The following THADA variants were observed in gnomAD, a reference collection of about 807,000 sequenced individuals.
THADA encodes tRNA (32-2'-O)-methyltransferase regulator THADA.
Under a neutral mutation model 219.8 loss-of-function variants are expected in THADA, and 213 were observed. The observed-to-expected ratio is 0.97, with a 90% CI of 0.87 to 1.09. The LOEUF (loss-of-function observed/expected upper bound fraction) is 1.09. Among genes scored for constraint, THADA ranks in the 50% least tolerant of loss-of-function variants. The probability of loss-of-function intolerance (pLI) is 0.00; values close to 1 mark genes in which losing one functional copy is unlikely to be tolerated. For missense variants in THADA, 2,956 were observed against 2,311.3 expected, an observed-to-expected ratio of 1.28 and a Z score of -5.72; for synonymous variants, 1,018 against 828.9, an observed-to-expected ratio of 1.23 and a Z score of -3.92.
chr2:43,279,549 T>G (rs755580683), intron 36 of THADA, among the ~76,000 whole-genome samples: 9 of 152,252 alleles, frequency 5.9e-5, no homozygotes, highest in Admixed American at 2.0e-4. Flanking sequence ...AGATCAAATC[T>G]GAGAAGCTGC....
chr2:43,463,124 C>T (rs1008756664), intron 26 of THADA: 1 of 152,220 alleles, frequency 6.6e-6, no homozygotes. Flanking sequence ...GTCATAACAG[C>T]AACTAAGTTG....
chr2:43,424,911 A>ATGTCTC (rs1678216705), intron 28 of THADA, among the ~76,000 whole-genome samples: 1 of 152,134 alleles, frequency 6.6e-6, no homozygotes, highest in Non-Finnish European at 1.5e-5. Context: ...GAAAAGCAAA[A>ATGTCTC]TAAGGAACAG....
chr2:43,260,149 G>T (rs1442263378), intron 36 of THADA, among the ~76,000 whole-genome samples: 3 of 152,094 alleles, frequency 2.0e-5, no homozygotes, highest in Non-Finnish European at 4.4e-5. Flanking sequence ...ACATCCAGCT[G>T]GTCTCGAACT....
intron 26 of THADA, among the ~76,000 whole-genome samples, chr2:43,444,218 A>G (rs952508813): frequency 5.3e-5 from 8 of 152,204 alleles, no homozygotes; most frequent in African/African-American, 1.9e-4. Context: ...GTGTCCTATA[A>G]TCAGCTTACT....
chr2:43,510,564 A>T (rs1028527482), intron 22 of THADA, among the ~76,000 whole-genome samples: 1 of 151,862 alleles, frequency 6.6e-6, no homozygotes, highest in Non-Finnish European at 1.5e-5. Context: ...ATCCTCACAC[A>T]GTTGACCAAT....
chr2:43,497,216 G>T (rs116726513), intron 25 of THADA, among the ~76,000 whole-genome samples: 11 of 152,170 alleles, frequency 7.2e-5, no homozygotes, highest in African/African-American at 2.4e-4. Flanking sequence ...TAAATCATTC[G>T]ACTATAAAGA....
At chr2:43,555,842 C>A (rs758524137) in intron 17 of THADA, among the ~76,000 whole-genome samples, 1 of 152,070 alleles carries the variant, frequency 6.6e-6, no homozygotes, top group South Asian at 2.1e-4. Context: ...GACTGACTAG[C>A]ATAAAATTAA....
intron 1 of THADA, 43 bp downstream of exon 1, chr2:43,595,888 G>C (rs958820269): frequency 1.3e-5 from 2 of 152,292 alleles, no homozygotes; most frequent in Non-Finnish European, 2.9e-5. Context: ...TGGCCGAGCC[G>C]AGCTACCGCG....
intron 31 of THADA, among the ~76,000 whole-genome samples, chr2:43,318,118 C>T (rs912572142): frequency 6.8e-4 from 103 of 152,106 alleles, no homozygotes; most frequent in African/African-American, 2.3e-3. Flanking sequence ...TAGCTCACTG[C>T]AGCCTCGAAC....
At chr2:43,364,200 G>C (rs1335455117) in intron 29 of THADA, among the ~76,000 whole-genome samples, 1 of 152,092 alleles carries the variant, frequency 6.6e-6, no homozygotes, top group Non-Finnish European at 1.5e-5. Context: ...TCCAGCCTGT[G>C]CAACAGGACC....
intron 26 of THADA, among the ~76,000 whole-genome samples, chr2:43,440,006 CTTT>C (rs1270799017): frequency 6.6e-6 from 1 of 152,058 alleles, no homozygotes; most frequent in African/African-American, 2.4e-5. Context: ...TGTTCATTTC[CTTT>C]TTTATTTATT....
At chr2:43,310,049 C>A (rs897735666) in intron 31 of THADA, among the ~76,000 whole-genome samples, 1 of 152,220 alleles carries the variant, frequency 6.6e-6, no homozygotes, top group Non-Finnish European at 1.5e-5. Flanking sequence ...AAAACACCCA[C>A]TGAAATAAAT....
At chr2:43,370,590 T>A (rs538914995) in intron 29 of THADA, among the ~76,000 whole-genome samples, 1 of 152,180 alleles carries the variant, frequency 6.6e-6, no homozygotes, top group African/African-American at 2.4e-5. Context: ...TCTAAAACAG[T>A]GGAAGATCAT....
intron 29 of THADA, chr2:43,372,146 G>T (rs1670881363): frequency 6.6e-6 from 1 of 152,160 alleles, no homozygotes; most frequent in South Asian, 2.1e-4. Flanking sequence ...AAACATCAGT[G>T]GCAAATGTCT....
At chr2:43,586,812 G>C (rs1402642442) in intron 5 of THADA, 42 bp downstream of exon 5, 2 of 1,612,146 alleles carry the variant, frequency 1.2e-6, no homozygotes, top group Non-Finnish European at 1.7e-6. Context: ...GATGTGATGA[G>C]AGGGGTTAGC....
At chr2:43,528,707 A>G (rs1181971147) in intron 21 of THADA, among the ~76,000 whole-genome samples, 1 of 152,194 alleles carries the variant, frequency 6.6e-6, no homozygotes, top group Non-Finnish European at 1.5e-5. Context: ...CATGTTATTC[A>G]ACTCCAACAG....
rs187305048 is a variant in THADA, at chr2:43,232,881, C to T, written c.5298G>A (p.Glu1766=). ...AGGCATCCACCTGGCAGAAGGCAAACTCTGCAAAGACAGGAGAAAGGTGAG... is the reference window on the plus strand; with the variant it reads ...AGGCATCCACCTGGCAGAAGGCAAATTCTGCAAAGACAGGAGAAAGGTGAG... ...MSQENTCQST[E]FAFCQVDASI... Residue 1766 remains glutamate (E), a splice_region_variant and synonymous_variant, in exon 37 of 38, where the codon GAG becomes GAA. Coordinates refer to ENST00000405975, the MANE Select transcript of THADA (RefSeq NM_022065.5). The T allele has an allele frequency of 2.1e-5, 34 of 1,607,944 alleles. No homozygotes were observed. In the Admixed American group the frequency reaches 2.2e-4, roughly 10 times the overall value.
intron 28 of THADA, among the ~76,000 whole-genome samples, chr2:43,402,849 C>G (rs1382211861): frequency 1.3e-5 from 2 of 152,178 alleles, no homozygotes; most frequent in Non-Finnish European, 2.9e-5. Context: ...CCAGCTCTGC[C>G]TAAGTGGGGA....
intron 28 of THADA, among the ~76,000 whole-genome samples, chr2:43,422,747 C>T (rs951255756): frequency 6.6e-6 from 1 of 152,120 alleles, no homozygotes; most frequent in Non-Finnish European, 1.5e-5. Flanking sequence ...GACAGGGTCT[C>T]GCTCTGTCAC....
Sources: gnomAD v4.1 joint callset for allele counts (sites outside exome capture counted in the v4.1 genomes callset) on GRCh38, gnomAD v4.1.1 for gene constraint, MANE v1.5 for transcripts, NCBI Gene and HGNC (gene_info 2026-07-23, HGNC 2026-07-21) for gene names.